ACER3: variants seen among roughly 807,000 people sequenced by gnomAD.
ACER3 encodes the protein alkaline ceramidase 3, also known as alkCDase 3.
Under a neutral mutation model 48.9 loss-of-function variants are expected in ACER3, and 16 were observed. The ratio of observed to expected loss-of-function variants is 0.33; its 90% CI spans 0.22 to 0.50. ACER3 has a LOEUF of 0.50. ACER3 is among the 20% of genes least tolerant of loss of function. The pLI is 0.98. For missense variants in ACER3, 227 were observed against 326.0 expected, an observed-to-expected ratio of 0.70 and a Z score of 2.34; for synonymous variants, 109 against 107.8, an observed-to-expected ratio of 1.01 and a Z score of -0.07.
At chr11:77,009,884 C>G (rs1949225655) in intron 7 of ACER3, among the ~76,000 whole-genome samples, 1 of 151,960 alleles carries the variant, frequency 6.6e-6, no homozygotes, top group Non-Finnish European at 1.5e-5. Flanking sequence ...AAACCAGAGC[C>G]TTAGGTTTGA....
At chr11:76,983,996 GC>G (rs1948638941) in intron 4 of ACER3, among the ~76,000 whole-genome samples, 1 of 151,720 alleles carries the variant, frequency 6.6e-6, no homozygotes, top group South Asian at 2.1e-4. Flanking sequence ...CACTGTGTTG[GC>G]CAGACTGGTC....
intron 9 of ACER3, 62 bp from the exon 10 acceptor site, chr11:77,019,669 C>A (rs1029243913): frequency 1.3e-5 from 19 of 1,511,280 alleles, no homozygotes; most frequent in Non-Finnish European, 1.7e-5. Context: ...TTTGTCAGTA[C>A]GCCAGTTTGC....
At chr11:76,930,588 C>T (rs1290031037) in intron 2 of ACER3, among the ~76,000 whole-genome samples, 3 of 151,968 alleles carry the variant, frequency 2.0e-5, no homozygotes, top group African/African-American at 4.8e-5. Flanking sequence ...TTCCTGCTTT[C>T]TCTTTTGGGC....
At chr11:76,892,182 A>G (rs1439385087) in intron 1 of ACER3, among the ~76,000 whole-genome samples, 1 of 152,166 alleles carries the variant, frequency 6.6e-6, no homozygotes, top group East Asian at 1.9e-4. Context: ...TGAGAATGAT[A>G]TCACCCATTT....
chr11:77,019,618 T>C (rs1949437402), intron 9 of ACER3, 113 bp from the exon 10 acceptor site: 4 of 928,454 alleles, frequency 4.3e-6, no homozygotes, highest in African/African-American at 1.6e-5. Flanking sequence ...CATATACTCA[T>C]GTTGTTTTTG....
At position 76,929,095 on chromosome 11, in the gene ACER3, A is replaced by G. The variant is rs12287130; in HGVS notation, c.214+2428A>G. On this transcript the variant is annotated intron_variant, in intron 2 of 10. Coordinates refer to ENST00000532485, the MANE Select transcript of ACER3 (RefSeq NM_018367.7). ...ATATTGATTCTTCCTACCCATGAGC[A>G]TGGAATGTTCTTCCATTTGCTTGTG... Among the ~76,000 whole-genome samples, 226 of 152,338 alleles carry G rather than the reference A, an allele frequency of 1.5e-3. 2 individuals are homozygous for G. The highest frequency in any genetic ancestry group is 5.2e-3 in the African/African-American group (215 of 41,584).
At chr11:76,949,123 T>G (rs951715817) in intron 2 of ACER3, among the ~76,000 whole-genome samples, 2 of 152,188 alleles carry the variant, frequency 1.3e-5, no homozygotes, top group Non-Finnish European at 2.9e-5. Flanking sequence ...TGAAAAACTT[T>G]GGCTGGTAGT....
At chr11:76,978,036 A>C (rs1298284392) in intron 4 of ACER3, among the ~76,000 whole-genome samples, 1 of 152,140 alleles carries the variant, frequency 6.6e-6, no homozygotes, top group African/African-American at 2.4e-5. Flanking sequence ...TTAGGCACTG[A>C]CAAGCATGGG....
chr11:76,934,479 A>T (rs1247218654), intron 2 of ACER3, among the ~76,000 whole-genome samples: 2 of 152,262 alleles, frequency 1.3e-5, no homozygotes. Context: ...TGTGGCTAGG[A>T]GCTGGAGACC....
intron 3 of ACER3, among the ~76,000 whole-genome samples, chr11:76,975,444 A>G (rs1195901465): frequency 6.6e-6 from 1 of 152,114 alleles, no homozygotes; most frequent in Non-Finnish European, 1.5e-5. Context: ...ATCATTGCTA[A>G]TAATAATAAT....
At chr11:76,987,152 G>C (rs943224167) in intron 5 of ACER3, among the ~76,000 whole-genome samples, 1 of 152,250 alleles carries the variant, frequency 6.6e-6, no homozygotes, top group African/African-American at 2.4e-5. Context: ...GTTTTAGAAA[G>C]ATTGCTCTGG....
chr11:76,934,786 T>C lies in ACER3; in HGVS notation c.214+8119T>C, dbSNP rs987491479. ...GAGAGGGAGAAGGAGAGGGATTGAA[T>C]TAGAAATCTTGTAAGCCACTTAAAA... On this transcript the variant is annotated intron_variant, in intron 2 of 10. Transcript: ENST00000532485. Among the ~76,000 whole-genome samples the C allele has an allele frequency of 2.3e-5, 3 of 129,456 alleles. No individual in the cohort carries two copies. In the Admixed American group the frequency reaches 2.4e-4, roughly 10 times the overall value. 84.9% of individuals were successfully genotyped at this position (129,456 alleles called of 152,430 possible).
intron 1 of ACER3, among the ~76,000 whole-genome samples, chr11:76,885,460 G>T (rs618076): frequency 0.053 from 8,116 of 152,208 alleles, 318 homozygotes; most frequent in Admixed American, 0.13. Context: ...TGCCCAGGAA[G>T]AAGTTTTTAT....
Position 76,977,932 on chromosome 11 carries a change from C to T in ACER3, c.320+1591C>T, listed in dbSNP as rs955109324. On this transcript the variant is annotated intron_variant, in intron 4 of 10. Transcript: ENST00000532485. ...CTCCAGGGCAGAGCAAAGCTGTGGC[C>T]GAGCCCGGGTGCTGCCACAACTTGG... Among the ~76,000 whole-genome samples, 16 of 152,296 alleles carry T rather than the reference C, an allele frequency of 1.1e-4. No individual in the cohort carries two copies. In the East Asian group the frequency reaches 2.1e-3, roughly 20 times the overall value.
At chr11:77,012,996 G>A (rs1006320849) in intron 7 of ACER3, among the ~76,000 whole-genome samples, 4 of 152,136 alleles carry the variant, frequency 2.6e-5, no homozygotes, top group Admixed American at 1.3e-4. Context: ...CAACAAATAT[G>A]TCAAGGTAAT....
At chr11:76,941,278 GA>G (rs754702891) in intron 2 of ACER3, among the ~76,000 whole-genome samples, 2 of 152,118 alleles carry the variant, frequency 1.3e-5, no homozygotes, top group Non-Finnish European at 2.9e-5. Context: ...GCTTTGTGGA[GA>G]AATATTTCAG....
At chr11:76,901,167 T>G (rs1261742480) in intron 1 of ACER3, among the ~76,000 whole-genome samples, 5 of 152,048 alleles carry the variant, frequency 3.3e-5, no homozygotes, top group Non-Finnish European at 7.4e-5. Context: ...ATCCCCTGAT[T>G]TAGAGATTTT....
intron 3 of ACER3, among the ~76,000 whole-genome samples, chr11:76,964,480 T>C (rs11237036): frequency 0.75 from 112,209 of 150,060 alleles, 42,676 homozygotes; most frequent in African/African-American, 0.79. Context: ...TCTCCCAGCA[T>C]GAAGCTTGAG....
chr11:76,901,620 G>A (rs185270792), intron 1 of ACER3, among the ~76,000 whole-genome samples: 163 of 152,256 alleles, frequency 1.1e-3, no homozygotes, highest in African/African-American at 3.7e-3. Flanking sequence ...CGAGCTCCCC[G>A]AGTGAGCAAT....
Sources: gnomAD v4.1 joint callset for allele counts (sites outside exome capture counted in the v4.1 genomes callset) on GRCh38, gnomAD v4.1.1 for gene constraint, MANE v1.5 for transcripts, NCBI Gene and HGNC (gene_info 2026-07-23, HGNC 2026-07-21) for gene names.